NRXN1: variants seen among roughly 807,000 people sequenced by gnomAD.
NRXN1 encodes neurexin-1.
A neutral mutation model predicts 150.9 loss-of-function variants in NRXN1; 39 were observed. That is an observed-to-expected ratio of 0.26 (90% CI 0.20 to 0.34). The LOEUF is 0.34. Among genes scored for constraint, NRXN1 ranks in the 10% least tolerant of loss-of-function variants. The pLI is 1.00. For missense variants in NRXN1, 1,815 were observed against 1,949.9 expected, an observed-to-expected ratio of 0.93 and a Z score of 1.30; for synonymous variants, 924 against 757.0, an observed-to-expected ratio of 1.22 and a Z score of -3.62.
intron 8 of NRXN1, among the ~76,000 whole-genome samples, chr2:50,604,933 A>G (rs1284958245): frequency 6.6e-6 from 1 of 152,236 alleles, no homozygotes; most frequent in Non-Finnish European, 1.5e-5. Flanking sequence ...GAAAACAGAA[A>G]GGTATTTGAG....
At chr2:50,786,511 A>G (rs1705134647) in intron 5 of NRXN1, among the ~76,000 whole-genome samples, 1 of 152,090 alleles carries the variant, frequency 6.6e-6, no homozygotes, top group African/African-American at 2.4e-5. Context: ...ATGAAGACTA[A>G]TGATCCTTTC....
intron 5 of NRXN1, chr2:50,633,124 CTT>C (rs1434761190): frequency 6.6e-6 from 1 of 152,016 alleles, no homozygotes; most frequent in Non-Finnish European, 1.5e-5. Context: ...CTAGAAATGT[CTT>C]TGTTCATACA....
At chr2:49,950,006 A>G (rs1400666681) in intron 21 of NRXN1, among the ~76,000 whole-genome samples, 1 of 151,884 alleles carries the variant, frequency 6.6e-6, no homozygotes, top group Non-Finnish European at 1.5e-5. Context: ...AAAAATTTTA[A>G]CAGGATTCAG....
At chr2:50,459,903 CCCCATCCTG>C (rs1347661633) in intron 17 of NRXN1, among the ~76,000 whole-genome samples, 1 of 152,066 alleles carries the variant, frequency 6.6e-6, no homozygotes, top group Non-Finnish European at 1.5e-5. Flanking sequence ...AAGGCAGTAT[CCCCATCCTG>C]CCTTGATTCT....
At chr2:51,025,284 C>T (rs1039957642) in intron 2 of NRXN1, among the ~76,000 whole-genome samples, 2 of 152,174 alleles carry the variant, frequency 1.3e-5, no homozygotes, top group African/African-American at 2.4e-5. Context: ...CCAGGCACTA[C>T]ACTGTTCAAT....
chr2:50,123,950 T>C (rs1197872242), intron 18 of NRXN1, among the ~76,000 whole-genome samples: 1 of 152,040 alleles, frequency 6.6e-6, no homozygotes, highest in Non-Finnish European at 1.5e-5. Context: ...AATATAAAAG[T>C]AAAATGTGGA....
chr2:50,562,385 T>C (rs763403597), intron 8 of NRXN1, among the ~76,000 whole-genome samples: 24 of 150,546 alleles, frequency 1.6e-4, no homozygotes, highest in Non-Finnish European at 1.8e-4. Context: ...AGTCTGTCCT[T>C]TCCTCATTGA....
At chr2:50,824,464 T>C (rs762334128) in intron 5 of NRXN1, among the ~76,000 whole-genome samples, 1 of 152,134 alleles carries the variant, frequency 6.6e-6, no homozygotes, top group Non-Finnish European at 1.5e-5. Context: ...AAGACTACCA[T>C]TCCTAAAATC....
chr2:50,209,828 G>A (rs576134595), intron 18 of NRXN1, among the ~76,000 whole-genome samples: 1 of 100,156 alleles, frequency 1.0e-5, no homozygotes, highest in Non-Finnish European at 2.0e-5. Context: ...AAATGTCATA[G>A]ATTTAAATCT....
chr2:50,065,932 G>T (rs1208107466), intron 19 of NRXN1, among the ~76,000 whole-genome samples: 1 of 152,122 alleles, frequency 6.6e-6, no homozygotes, highest in Non-Finnish European at 1.5e-5. Flanking sequence ...AGTAAATTTT[G>T]CTTGGACGTC....
intron 17 of NRXN1, among the ~76,000 whole-genome samples, chr2:50,284,697 C>A (rs1447668073): frequency 1.3e-5 from 2 of 152,074 alleles, no homozygotes; most frequent in African/African-American, 4.8e-5. Context: ...ATCAGTGGGG[C>A]TAGGCAAGAG....
chr2:50,641,232 A>G (rs1357682546), intron 5 of NRXN1, among the ~76,000 whole-genome samples: 1 of 152,158 alleles, frequency 6.6e-6, no homozygotes, highest in Non-Finnish European at 1.5e-5. Flanking sequence ...CCTCCTCATA[A>G]AAGGCTTTAA....
intron 5 of NRXN1, among the ~76,000 whole-genome samples, chr2:50,806,580 G>T (rs1377976765): frequency 6.6e-6 from 1 of 152,086 alleles, no homozygotes; most frequent in Non-Finnish European, 1.5e-5. Context: ...AGACTTAGTT[G>T]AATATCTTTC....
chr2:49,951,776 A>T (rs1411971210), intron 21 of NRXN1, among the ~76,000 whole-genome samples: 1 of 152,012 alleles, frequency 6.6e-6, no homozygotes, highest in Non-Finnish European at 1.5e-5. Context: ...CAACATGAGT[A>T]TCTAGTCCTA....
At chr2:50,680,289 T>G (rs1360860011) in intron 5 of NRXN1, among the ~76,000 whole-genome samples, 1 of 152,140 alleles carries the variant, frequency 6.6e-6, no homozygotes, top group Non-Finnish European at 1.5e-5. Flanking sequence ...TTCTTCTGAA[T>G]TTATTTTGAT....
chr2:50,103,563 G>C (rs766898117), intron 18 of NRXN1, among the ~76,000 whole-genome samples: 7 of 151,922 alleles, frequency 4.6e-5, no homozygotes, highest in Non-Finnish European at 1.0e-4. Context: ...TCTACTTCCA[G>C]AAAAATTTTA....
chr2:50,602,221 C>T (rs2103957400), intron 8 of NRXN1, among the ~76,000 whole-genome samples: 1 of 152,132 alleles, frequency 6.6e-6, no homozygotes, highest in East Asian at 1.9e-4. Flanking sequence ...AGACAGCACA[C>T]ATGTACTATA....
intron 17 of NRXN1, among the ~76,000 whole-genome samples, chr2:50,264,373 A>G (rs541396500): frequency 6.6e-6 from 1 of 152,226 alleles, no homozygotes. Flanking sequence ...GAGACTAGCC[A>G]TTCATTCCTT....
intron 17 of NRXN1, among the ~76,000 whole-genome samples, chr2:50,243,645 C>G (rs2152889058): frequency 6.6e-6 from 1 of 151,922 alleles, no homozygotes; most frequent in South Asian, 2.1e-4. Flanking sequence ...TTCTTGAACT[C>G]TTGCAAATCA....
Sources: allele counts gnomAD v4.1 joint callset (sites outside exome capture counted in the v4.1 genomes callset), GRCh38; gene constraint gnomAD v4.1.1; transcripts MANE v1.5; gene names NCBI Gene and HGNC (gene_info 2026-07-23, HGNC 2026-07-21).